Variants in PLAA observed in about 807,000 individuals in gnomAD.
PLAA encodes phospholipase A2 activating protein, also known as phospholipase A-2-activating protein.
PLAA carries 48 observed loss-of-function variants against 84.1 expected under a neutral mutation model. The observed-to-expected ratio is 0.57, with a 90% CI of 0.45 to 0.73. The LOEUF (loss-of-function observed/expected upper bound fraction) is 0.73, where lower values mean the gene tolerates loss of function less well. Ranked by LOEUF, PLAA falls within the 30% of genes least tolerant of loss-of-function variation. The pLI is 0.00. For missense variants in PLAA, 903 were observed against 954.7 expected, an observed-to-expected ratio of 0.95 and a Z score of 0.71; for synonymous variants, 392 against 336.6, an observed-to-expected ratio of 1.16 and a Z score of -1.80.
chr9:26,944,172 C>T (rs948129698), intron 1 of PLAA, among the ~76,000 whole-genome samples: 1 of 152,140 alleles, frequency 6.6e-6, no homozygotes, highest in Non-Finnish European at 1.5e-5. Flanking sequence ...GGCCCCTCTG[C>T]GCCTCTTGCT....
rs10672584 is a variant in PLAA, at chr9:26,927,127, C to CTTTTTTTTTTTTT, written c.566-568_566-567insAAAAAAAAAAAAA. Among the ~76,000 whole-genome samples, 36 of 136,760 alleles carry CTTTTTTTTTTTTT rather than the reference C, an allele frequency of 2.6e-4. No homozygotes were observed. The East Asian group carries it at 4.0e-3, about 15-fold the overall frequency. 89.7% of individuals were successfully genotyped at this position (136,760 alleles called of 152,430 possible). ...ATCAAAAGATACTTTTTTTGTTTTT[C>CTTTTTTTTTTTTT]TTTTTTTTTTTGAGATGGAGTCTCA... On this transcript the variant is annotated intron_variant, in intron 4 of 13. Transcript: ENST00000397292.
At chr9:26,908,505 C>T (rs1485074475) in intron 12 of PLAA, among the ~76,000 whole-genome samples, 1 of 150,758 alleles carries the variant, frequency 6.6e-6, no homozygotes, top group African/African-American at 2.4e-5. Context: ...ACTCTGTTGC[C>T]CAGGCTGGAG....
intron 2 of PLAA, among the ~76,000 whole-genome samples, chr9:26,932,223 G>GTTT (rs57062495): frequency 2.7e-5 from 2 of 74,998 alleles, no homozygotes; most frequent in Non-Finnish European, 4.6e-5. Flanking sequence ...TTTTTGTTTT[G>GTTT]TTTTGTTTTG....
chr9:26,932,887 A>G (rs1342967591), intron 2 of PLAA, among the ~76,000 whole-genome samples: 1 of 152,130 alleles, frequency 6.6e-6, no homozygotes, highest in Non-Finnish European at 1.5e-5. Flanking sequence ...ATAAACCCAG[A>G]ACTTTGGGAG....
chr9:26,907,434 C>CAGGAGA (rs897035321), intron 13 of PLAA, among the ~76,000 whole-genome samples: 16 of 152,054 alleles, frequency 1.1e-4, no homozygotes, highest in Non-Finnish European at 1.6e-4. Context: ...GAGGCTGAGG[C>CAGGAGA]AGGAGAACGG....
At chr9:26,934,197 G>A (rs890396779) in intron 2 of PLAA, among the ~76,000 whole-genome samples, 10 of 152,116 alleles carry the variant, frequency 6.6e-5, no homozygotes, top group African/African-American at 4.8e-5. Flanking sequence ...TACACTTACT[G>A]CACCGATTAA....
At chr9:26,908,091 T>C in intron 12 of PLAA, 93 bp from the exon 13 acceptor site, 1 of 865,530 alleles carries the variant, frequency 1.2e-6, no homozygotes, top group African/African-American at 1.7e-5. Context: ...TACTCTAGTG[T>C]ACACCATGGG....
Position 26,928,190 on chromosome 9 carries a change from T to G in PLAA, c.475A>C (p.Ile159Leu). The change falls in exon 4 of 14, where the codon ATC becomes CTC. Residue 159 changes from isoleucine to leucine, a missense_variant. Ile to Leu is a conservative substitution (Grantham distance 5). Transcript: ENST00000397292. ...AACATTAAGCCCTGTTCAGGTAAGA[T>G]CTTTACCGCCCACACTGCAGCTGTA... ...GHTAAVWAVKILPEQGLMLTG... is the reference protein window; with the variant it reads ...GHTAAVWAVKLLPEQGLMLTG... 2 of 1,614,188 alleles carry G rather than the reference T, an allele frequency of 1.2e-6. No individual in the cohort carries two copies. Among genetic ancestry groups the G allele is most frequent in the Non-Finnish European group, 1.7e-6 (2 of 1,180,020 alleles).
Position 26,935,200 on chromosome 9 carries a change from G to C in PLAA, c.156C>G (p.Asn52Lys). The C allele has an allele frequency of 6.4e-7, 1 of 1,553,224 alleles. No individual in the cohort carries two copies. The highest frequency in any genetic ancestry group is 8.6e-7 in the Non-Finnish European group (1 of 1,156,358). Residue 52 changes from asparagine to lysine, a missense_variant, in exon 2 of 14, where the codon AAC (asparagine) becomes AAG (lysine). Transcript: ENST00000397292. ...TTRLWAPDSPNRSFTEMHCMS... is the reference protein window; with the variant it reads ...TTRLWAPDSPKRSFTEMHCMS... ...TACAGTGCATTTCTGTAAAGCTCCT[G>C]TTTGGACTGGAAAGACAAGATAATT... is the stretch of plus-strand genomic sequence containing the variant.
chr9:26,911,037 G>A (rs913203541), intron 11 of PLAA, among the ~76,000 whole-genome samples: 1 of 151,924 alleles, frequency 6.6e-6, no homozygotes, highest in African/African-American at 2.4e-5. Flanking sequence ...TGAAGGACAG[G>A]AGTCCTAGTC....
In PLAA at chr9:26,925,857, C is replaced by T. The variant is rs763497701; in HGVS notation, c.837G>A (p.Val279=). The T allele has an allele frequency of 1.9e-6, 3 of 1,613,968 alleles. No individual in the cohort carries two copies. In the South Asian group the frequency reaches 3.3e-5, roughly 18 times the overall value. The change falls in exon 6 of 14, where the codon GTG becomes GTA. Residue 279 remains valine (V), a synonymous_variant. Coordinates refer to ENST00000397292, the MANE Select transcript of PLAA (RefSeq NM_001031689.3). ...CAACCACAATGTCACCATTGTCGAGCACACAGCAGCACCATATAGACTGAG... is the reference window on the plus strand; with the variant it reads ...CAACCACAATGTCACCATTGTCGAGTACACAGCAGCACCATATAGACTGAG... ...LPAQSIWCCC[V]LDNGDIVVGA... is the part of the protein sequence containing the mutation.
intron 1 of PLAA, among the ~76,000 whole-genome samples, chr9:26,940,548 AAAAAGAGTT>A (rs1404189715): frequency 6.6e-6 from 1 of 152,234 alleles, no homozygotes; most frequent in Non-Finnish European, 1.5e-5. Flanking sequence ...GTAAAGAGAT[AAAAAGAGTT>A]AAAAGATGGA....
At chr9:26,913,313 G>C (rs956670117) in intron 11 of PLAA, among the ~76,000 whole-genome samples, 2 of 152,134 alleles carry the variant, frequency 1.3e-5, no homozygotes, top group African/African-American at 4.8e-5. Flanking sequence ...CAATGAACAA[G>C]TGAGGTATGT....
rs1447953031 is a variant in PLAA at position 26,907,963 on chromosome 9, C to T, written c.1693G>A (p.Glu565Lys). ...AAGTCATCCTCAGTTAACTTCTTCT[C>T]TTCAGGTGCAGTTCCATTAAGTTCC... ...LKELNGTAPE[E>K]KKLTEDDLIL... The change falls in exon 13 of 14, where the codon GAG becomes AAG. Residue 565 changes from glutamate (E) to lysine (K), a missense_variant. Glu to Lys is a moderately conservative substitution (Grantham distance 56). Coordinates refer to ENST00000397292, the MANE Select transcript of PLAA (RefSeq NM_001031689.3). 1 of 1,606,126 alleles carries T rather than the reference C, an allele frequency of 6.2e-7. No homozygotes were observed. Among genetic ancestry groups the T allele is most frequent in the African/African-American group, 1.3e-5 (1 of 74,384 alleles).
At chr9:26,923,489 T>A in intron 6 of PLAA, 142 bp from the exon 7 acceptor site, 1 of 602,440 alleles carries the variant, frequency 1.7e-6, no homozygotes, top group South Asian at 2.4e-5. Context: ...ATTACAGCAC[T>A]GTGCTGACTT....
At chr9:26,945,441 A>T (rs1360231790) in intron 1 of PLAA, among the ~76,000 whole-genome samples, 2 of 152,230 alleles carry the variant, frequency 1.3e-5, no homozygotes, top group East Asian at 1.9e-4. Context: ...AGTTTTGGAT[A>T]TTATAGAATT....
chr9:26,944,550 C>T (rs552751175), intron 1 of PLAA, among the ~76,000 whole-genome samples: 3 of 152,072 alleles, frequency 2.0e-5, no homozygotes, highest in East Asian at 3.9e-4. Context: ...TCTTTGGCCA[C>T]GCATAAAATA....
In PLAA at chr9:26,920,270, C is replaced by A; in HGVS notation, c.1154G>T (p.Gly385Val). ...IKIGDVVGSS[G>V]ANQQTSGKVL... Reference sequence around the variant, plus strand: ...TTTTCCAGATGTTTGCTGATTAGCACCAGATGAGCCAACAACATCACCAAT... The same window carrying A: ...TTTTCCAGATGTTTGCTGATTAGCAACAGATGAGCCAACAACATCACCAAT... Residue 385 changes from glycine to valine, a missense_variant, in exon 8 of 14, where the codon GGT (glycine) becomes GTT (valine). Coordinates refer to ENST00000397292, the MANE Select transcript of PLAA (RefSeq NM_001031689.3). The A allele has an allele frequency of 2.5e-6, 4 of 1,613,884 alleles. No individual in the cohort carries two copies. The highest frequency in any genetic ancestry group is 3.4e-6 in the Non-Finnish European group (4 of 1,179,874).
chr9:26,921,664 T>A (rs1332427100), intron 7 of PLAA, among the ~76,000 whole-genome samples: 1 of 152,248 alleles, frequency 6.6e-6, no homozygotes. Context: ...TTTTTCATGC[T>A]CTATTATACT....
Sources: allele counts gnomAD v4.1 joint callset (sites outside exome capture counted in the v4.1 genomes callset), GRCh38; gene constraint gnomAD v4.1.1; transcripts MANE v1.5; gene names NCBI Gene and HGNC (gene_info 2026-07-23, HGNC 2026-07-21).